Variants in RPS6KA5 observed in about 807,000 individuals in gnomAD.
RPS6KA5 encodes the protein ribosomal protein S6 kinase A5, also known as ribosomal protein S6 kinase alpha-5.
A neutral mutation model predicts 85.5 loss-of-function variants in RPS6KA5; 27 were observed. That is an observed-to-expected ratio of 0.32 (90% CI 0.23 to 0.44). The LOEUF is 0.44. Ranked by LOEUF, RPS6KA5 falls within the 20% of genes least tolerant of loss-of-function variation. RPS6KA5 has a pLI of 1.00. For missense variants in RPS6KA5, 811 were observed against 980.9 expected (o/e 0.83, Z 2.31); for synonymous variants, 334 against 348.2 (o/e 0.96, Z 0.46).
At chr14:90,879,231 G>T (rs1387959287) in intron 14 of RPS6KA5, among the ~76,000 whole-genome samples, 2 of 152,178 alleles carry the variant, frequency 1.3e-5, no homozygotes, top group African/African-American at 4.8e-5. Context: ...CTCAGAATCT[G>T]CCCTGGGCAG....
intron 1 of RPS6KA5, chr14:91,060,120 G>A (rs898998117): frequency 8.1e-6 from 8 of 985,080 alleles, no homozygotes; most frequent in Admixed American, 6.2e-5. Context: ...GCTCATTCCC[G>A]GGCTGGGGAA....
chr14:90,995,950 T>G (rs11846297), intron 2 of RPS6KA5, among the ~76,000 whole-genome samples: 75,017 of 151,902 alleles, frequency 0.49, 18,727 homozygotes, highest in East Asian at 0.55. Context: ...GCTGAGTGTG[T>G]TGGCACATGG....
chr14:90,876,790 G>A (rs1261072045), intron 14 of RPS6KA5, among the ~76,000 whole-genome samples: 4 of 152,184 alleles, frequency 2.6e-5, no homozygotes, highest in African/African-American at 7.2e-5. Context: ...GGACATGGAG[G>A]GGAGGCTCAG....
At chr14:90,917,601 T>G (rs538142303) in intron 7 of RPS6KA5, among the ~76,000 whole-genome samples, 89 of 152,308 alleles carry the variant, frequency 5.8e-4, no homozygotes, top group African/African-American at 2.1e-3. Context: ...ATTCTGCTTT[T>G]TGTCACTGTA....
intron 1 of RPS6KA5, among the ~76,000 whole-genome samples, chr14:91,051,162 C>G (rs1474335114): frequency 1.3e-5 from 2 of 151,976 alleles, no homozygotes; most frequent in African/African-American, 4.8e-5. Context: ...TCACTTGAAC[C>G]CAGGAGGCAG....
chr14:91,046,403 T>C (rs184591234), intron 1 of RPS6KA5, among the ~76,000 whole-genome samples: 1 of 152,310 alleles, frequency 6.6e-6, no homozygotes, highest in Admixed American at 6.5e-5. Flanking sequence ...GATGCTTCAA[T>C]ACACACAAGT....
chr14:90,988,145 T>C (rs1173133056), intron 2 of RPS6KA5, among the ~76,000 whole-genome samples: 2 of 152,218 alleles, frequency 1.3e-5, no homozygotes, highest in Non-Finnish European at 2.9e-5. Context: ...GGCTCTAGAA[T>C]GGAAATAAAT....
intron 4 of RPS6KA5, among the ~76,000 whole-genome samples, chr14:90,944,894 A>C (rs2037786600): frequency 6.6e-6 from 1 of 151,938 alleles, no homozygotes; most frequent in Admixed American, 6.6e-5. Flanking sequence ...CCTGGGCAAC[A>C]GAGCGAGACC....
At chr14:90,904,852 T>C (rs2035415144) in intron 8 of RPS6KA5, among the ~76,000 whole-genome samples, 2 of 152,310 alleles carry the variant, frequency 1.3e-5, no homozygotes, top group South Asian at 2.1e-4. Flanking sequence ...ATTTCTCTAA[T>C]ATGAAAGACA....
chr14:90,879,092 C>T (rs886250130), intron 14 of RPS6KA5, among the ~76,000 whole-genome samples: 3 of 152,178 alleles, frequency 2.0e-5, no homozygotes, highest in African/African-American at 4.8e-5. Context: ...TACTAGACCC[C>T]GGCAGGCTCT....
chr14:90,891,857 C>G (rs1258644860), intron 13 of RPS6KA5, among the ~76,000 whole-genome samples: 3 of 152,194 alleles, frequency 2.0e-5, no homozygotes, highest in African/African-American at 7.2e-5. Flanking sequence ...ACCTGAGCTC[C>G]TTTGCAGTGT....
chr14:90,894,671 A>T, intron 12 of RPS6KA5, 88 bp from the exon 13 acceptor site: 3 of 1,365,462 alleles, frequency 2.2e-6, no homozygotes, highest in Non-Finnish European at 3.0e-6. Context: ...ATCTACCACC[A>T]ATACGTTTAA....
intron 5 of RPS6KA5, among the ~76,000 whole-genome samples, chr14:90,924,630 A>T (rs1337804876): frequency 6.6e-6 from 1 of 152,176 alleles, no homozygotes; most frequent in African/African-American, 2.4e-5. Flanking sequence ...TATCACAGTT[A>T]AAAAAAATGT....
chr14:91,034,412 G>T (rs1204629166), intron 1 of RPS6KA5, among the ~76,000 whole-genome samples: 1 of 152,110 alleles, frequency 6.6e-6, no homozygotes, highest in Non-Finnish European at 1.5e-5. Context: ...GTCGAGTGGG[G>T]TCTAGCTAGA....
chr14:91,031,647 TC>T lies in RPS6KA5; in HGVS notation c.103+28684del, dbSNP rs200997265. ...AAAACATGTAGAAACACTTAGAGAC[TC>T]AAAGAAAGCTAAGTGAATGAAAAGA... On this transcript the variant is annotated intron_variant, in intron 1 of 16. Transcript: ENST00000614987. Among the ~76,000 whole-genome samples the T allele has an allele frequency of 3.3e-4, 50 of 151,964 alleles. No individual in the cohort carries two copies. The East Asian group carries it at 8.1e-3, about 25-fold the overall frequency.
intron 5 of RPS6KA5, among the ~76,000 whole-genome samples, chr14:90,929,224 C>T (rs934583955): frequency 6.6e-6 from 1 of 151,970 alleles, no homozygotes; most frequent in African/African-American, 2.4e-5. Flanking sequence ...ACACATAAAA[C>T]TTGGTAGACA....
intron 1 of RPS6KA5, among the ~76,000 whole-genome samples, chr14:91,001,725 C>G (rs2040805581): frequency 2.0e-5 from 3 of 152,140 alleles, no homozygotes; most frequent in Non-Finnish European, 2.9e-5. Flanking sequence ...CTCTAAAATT[C>G]TAGGACTATG....
intron 1 of RPS6KA5, among the ~76,000 whole-genome samples, chr14:91,011,591 T>C (rs1044965214): frequency 6.6e-6 from 1 of 152,232 alleles, no homozygotes; most frequent in African/African-American, 2.4e-5. Flanking sequence ...TCAGGTTCCC[T>C]ATCATGGAAA....
chr14:90,894,334 C>T, intron 13 of RPS6KA5, 79 bp downstream of exon 13: 4 of 1,402,092 alleles, frequency 2.9e-6, no homozygotes, highest in East Asian at 5.1e-5. Flanking sequence ...GAAACCTCCC[C>T]AGAAACTTCC....
Sources: allele counts gnomAD v4.1 joint callset (sites outside exome capture counted in the v4.1 genomes callset), GRCh38; gene constraint gnomAD v4.1.1; transcripts MANE v1.5; gene names NCBI Gene and HGNC (gene_info 2026-07-23, HGNC 2026-07-21).